The following DSCAML1 variants were observed in gnomAD, a reference collection of about 807,000 sequenced individuals.
DSCAML1 encodes the protein DS cell adhesion molecule like 1.
In DSCAML1, 38 loss-of-function variants were observed where a neutral mutation model predicts 200.5. That is an observed-to-expected ratio of 0.19 (90% confidence interval 0.15 to 0.25). The LOEUF is 0.25. Among genes scored for constraint, DSCAML1 ranks in the 10% least tolerant of loss-of-function variants. DSCAML1 has a pLI of 1.00. For missense variants in DSCAML1, 2,223 were observed against 2,858.8 expected (o/e 0.78, Z 5.07); for synonymous variants, 1,215 against 1,165.0 (o/e 1.04, Z -0.87).
chr11:117,757,372 G>C (rs1197295421), intron 3 of DSCAML1, among the ~76,000 whole-genome samples: 1 of 151,916 alleles, frequency 6.6e-6, no homozygotes, highest in African/African-American at 2.4e-5. Context: ...TATCCATCTA[G>C]GATCCCAACA....
intron 17 of DSCAML1, among the ~76,000 whole-genome samples, chr11:117,464,498 C>T (rs149983186): frequency 1.1e-4 from 17 of 152,250 alleles, no homozygotes; most frequent in African/African-American, 2.9e-4. Context: ...GCCGCATGCA[C>T]GTTAGGATTT....
rs958502831 is a variant in DSCAML1 at position 117,505,875 on chromosome 11, C to T, written c.1784-143G>A. The T allele has an allele frequency of 2.0e-6, 2 of 995,780 alleles. No homozygotes were observed. Among genetic ancestry groups the T allele is most frequent in the Non-Finnish European group, 2.9e-6 (2 of 694,406 alleles). The allele number at this position is 995,780 out of a possible 1,614,324, so 61.7% of individuals were successfully genotyped here. On this transcript the variant is annotated intron_variant, in intron 8 of 32. Transcript: ENST00000651296. The surrounding 1 kb of genome is among the most constrained non-coding windows in gnomAD (Gnocchi z 6.7). ...GGCACTGCAGCCTTGTTCTCCTATGCATGCAGGGTCTCCTAATGATGCCTG... is the reference window on the plus strand; with the variant it reads ...GGCACTGCAGCCTTGTTCTCCTATGTATGCAGGGTCTCCTAATGATGCCTG...
At chr11:117,546,504 C>T (rs2050375986) in intron 3 of DSCAML1, among the ~76,000 whole-genome samples, 1 of 152,196 alleles carries the variant, frequency 6.6e-6, no homozygotes, top group Admixed American at 6.5e-5. Flanking sequence ...AGGGCTCTGC[C>T]AGCCATTCCC....
At chr11:117,557,562 C>T (rs1469517288) in intron 3 of DSCAML1, among the ~76,000 whole-genome samples, 1 of 152,242 alleles carries the variant, frequency 6.6e-6, no homozygotes, top group East Asian at 1.9e-4. Flanking sequence ...AGGCCCCAGG[C>T]GTCAGCAAAG....
chr11:117,715,588 C>T (rs2053939514), intron 3 of DSCAML1, among the ~76,000 whole-genome samples: 1 of 152,208 alleles, frequency 6.6e-6, no homozygotes, highest in South Asian at 2.1e-4. Flanking sequence ...CCGATTTTGT[C>T]TTGTGAACGT....
At chr11:117,747,475 G>T (rs972202887) in intron 3 of DSCAML1, among the ~76,000 whole-genome samples, 1 of 151,970 alleles carries the variant, frequency 6.6e-6, no homozygotes, top group Non-Finnish European at 1.5e-5. Context: ...CCTCAATCAC[G>T]CACCACCAGC....
chr11:117,518,279 C>T lies in DSCAML1; in HGVS notation c.1510+187G>A, dbSNP rs1052883136. Reference sequence around the variant, plus strand: ...GGGTGAACTGTACCAGACACACACACGCACACAAGAATGGATGATGGCGCT... The same window carrying T: ...GGGTGAACTGTACCAGACACACACATGCACACAAGAATGGATGATGGCGCT... On this transcript the variant is annotated intron_variant, in intron 7 of 32. Transcript: ENST00000651296. This position sits in a 1 kb window ranked among gnomAD's most constrained non-coding sequence, Gnocchi z 6.3. 13 of 725,344 alleles carry T rather than the reference C, an allele frequency of 1.8e-5. No individual in the cohort carries two copies. Among genetic ancestry groups the T allele is most frequent in the Admixed American group, 4.7e-5 (2 of 42,722 alleles). The allele number at this position is 725,344 out of a possible 1,614,324, so 44.9% of individuals were successfully genotyped here. A position where few individuals can be genotyped will look rare whatever the true frequency, so the allele number is the denominator to read the frequency against.
intron 3 of DSCAML1, among the ~76,000 whole-genome samples, chr11:117,691,010 C>A (rs1159908064): frequency 1.3e-5 from 2 of 152,130 alleles, no homozygotes; most frequent in Non-Finnish European, 2.9e-5. Context: ...GCGTTTGGCC[C>A]TTCGAGATTA....
chr11:117,593,489 C>G (rs4938413), intron 3 of DSCAML1, among the ~76,000 whole-genome samples: 39,813 of 152,082 alleles, frequency 0.26, 5,690 homozygotes, highest in African/African-American at 0.35. Context: ...GAAGAGATGA[C>G]AGGCTGCCTG....
chr11:117,688,625 G>T (rs893458344), intron 3 of DSCAML1, among the ~76,000 whole-genome samples: 1 of 152,184 alleles, frequency 6.6e-6, no homozygotes, highest in Non-Finnish European at 1.5e-5. Flanking sequence ...GTGTGACCTT[G>T]GGCAGGTCCC....
At chr11:117,445,829 C>T (rs753363681) in intron 20 of DSCAML1, among the ~76,000 whole-genome samples, 10 of 152,186 alleles carry the variant, frequency 6.6e-5, no homozygotes, top group East Asian at 1.9e-4. Flanking sequence ...AGATACTGGG[C>T]GCTTTCCTTT....
In DSCAML1 at chr11:117,505,327, C is replaced by T. The variant is rs2049472639; in HGVS notation, c.2062+127G>A. Reference sequence around the variant, plus strand: ...GGAAAATAAGAGGTTTAGGCTCCAACAGGCCCTTCAAGATGCTGGAGCCCA... The same window carrying T: ...GGAAAATAAGAGGTTTAGGCTCCAATAGGCCCTTCAAGATGCTGGAGCCCA... On this transcript the variant is annotated intron_variant, in intron 9 of 32. Transcript: ENST00000651296. This position sits in a 1 kb window ranked among gnomAD's most constrained non-coding sequence, Gnocchi z 6.7. 4 of 1,312,614 alleles carry T rather than the reference C, an allele frequency of 3.0e-6. No homozygotes were observed. Among genetic ancestry groups the T allele is most frequent in the Non-Finnish European group, 4.1e-6 (4 of 967,274 alleles). The allele number at this position is 1,312,614 out of a possible 1,614,324, so 81.3% of individuals were successfully genotyped here. A position where few individuals can be genotyped will look rare whatever the true frequency, so the allele number is the denominator to read the frequency against.
At position 117,431,559 on chromosome 11, in the gene DSCAML1, G is replaced by A. The variant is rs1400834504; in HGVS notation, c.5349C>T (p.Tyr1783=). 1.9e-6 allele frequency: 3 copies of A among 1,599,500 alleles called. No individual in the cohort carries two copies. The African/African-American group carries it at 4.0e-5, about 21-fold the overall frequency. The change falls in exon 31 of 33, where the codon TAC becomes TAT. Residue 1783 remains tyrosine, a synonymous_variant. Transcript: ENST00000651296. The part of the protein sequence containing the change: ...HGVTVTESDS[Y]SASLSQDTDK... ...CTGTGTCCTGGGACAGGCTGGCACT[G>A]TAGCTGTCACTCTCAGTGACCGTGA...
chr11:117,527,412 G>A (rs944834124), intron 4 of DSCAML1, among the ~76,000 whole-genome samples: 2 of 152,154 alleles, frequency 1.3e-5, no homozygotes, highest in African/African-American at 2.4e-5. Context: ...GCGTTAAACC[G>A]CTGCTGTATC....
intron 3 of DSCAML1, among the ~76,000 whole-genome samples, chr11:117,768,268 G>A (rs547462141): frequency 6.6e-6 from 1 of 152,306 alleles, no homozygotes; most frequent in African/African-American, 2.4e-5. Flanking sequence ...TGAATCTAGA[G>A]ATTAATACTA....
chr11:117,488,118 C>T (rs1009251086), intron 11 of DSCAML1, among the ~76,000 whole-genome samples: 10 of 152,216 alleles, frequency 6.6e-5, no homozygotes, highest in Non-Finnish European at 1.3e-4. Flanking sequence ...GAATCCTCTT[C>T]CCCTCTTCTT....
chr11:117,560,687 C>T (rs1443154684), intron 3 of DSCAML1, among the ~76,000 whole-genome samples: 6 of 152,182 alleles, frequency 3.9e-5, no homozygotes, highest in East Asian at 3.9e-4. Flanking sequence ...TTCCTGAGTC[C>T]CTGGGAGATG....
intron 3 of DSCAML1, among the ~76,000 whole-genome samples, chr11:117,736,176 T>C (rs1591454593): frequency 6.6e-6 from 1 of 152,106 alleles, no homozygotes; most frequent in Admixed American, 6.6e-5. Flanking sequence ...TGGTTTAGGG[T>C]CTCTCATGAG....
intron 3 of DSCAML1, among the ~76,000 whole-genome samples, chr11:117,613,052 T>C (rs867764848): frequency 1.3e-5 from 2 of 152,194 alleles, no homozygotes; most frequent in South Asian, 4.1e-4. Flanking sequence ...CATGTACCTC[T>C]GAAATTTCTT....
Sources: gnomAD v4.1 joint callset for allele counts (sites outside exome capture counted in the v4.1 genomes callset) on GRCh38, gnomAD v4.1.1 for gene constraint, Gnocchi (gnomAD v3.1) non-coding constraint, MANE v1.5 for transcripts, NCBI Gene and HGNC (gene_info 2026-07-23, HGNC 2026-07-21) for gene names.